The following SPAG16 variants were observed in gnomAD, a reference collection of about 807,000 sequenced individuals.
The protein encoded by SPAG16 is sperm-associated antigen 16 protein.
Under a neutral mutation model 80.4 loss-of-function variants are expected in SPAG16, and 86 were observed. The observed-to-expected ratio is 1.07, with a 90% CI of 0.90 to 1.28. SPAG16 has a LOEUF of 1.28. Among genes scored for constraint, SPAG16 ranks in the 50% most tolerant of loss-of-function variants. SPAG16 has a pLI of 0.00. For synonymous variants in SPAG16, 294 were observed against 265.9 expected (o/e 1.11, Z -1.03); for missense variants, 870 against 765.3 (o/e 1.14, Z -1.61).
chr2:213,843,077 C>T (rs1043162720), intron 10 of SPAG16, among the ~76,000 whole-genome samples: 1 of 151,934 alleles, frequency 6.6e-6, no homozygotes, highest in Admixed American at 6.6e-5. Context: ...AGGTGAGCCA[C>T]CGTGCCTGGC....
At chr2:213,729,619 C>A (rs1038011641) in intron 10 of SPAG16, among the ~76,000 whole-genome samples, 2 of 152,100 alleles carry the variant, frequency 1.3e-5, no homozygotes, top group African/African-American at 2.4e-5. Context: ...ATTTACAGAG[C>A]CTAACTACAT....
chr2:213,589,062 CA>C (rs973927723), intron 10 of SPAG16, among the ~76,000 whole-genome samples: 1 of 151,904 alleles, frequency 6.6e-6, no homozygotes, highest in African/African-American at 2.4e-5. Flanking sequence ...TTAGGTTTTA[CA>C]AAAAACATAA....
intron 10 of SPAG16, among the ~76,000 whole-genome samples, chr2:213,655,359 A>T (rs1272798068): frequency 6.6e-6 from 1 of 152,186 alleles, no homozygotes; most frequent in East Asian, 1.9e-4. Context: ...AAATAAAACG[A>T]TTTGTATGGA....
chr2:214,175,871 A>G (rs1348922036), intron 15 of SPAG16, among the ~76,000 whole-genome samples: 3 of 151,434 alleles, frequency 2.0e-5, no homozygotes, highest in Non-Finnish European at 4.4e-5. Flanking sequence ...TTCTTTATGT[A>G]TAAAGGTGCA....
At chr2:213,574,659 GATATATGATAT>G (rs970625777) in intron 10 of SPAG16, among the ~76,000 whole-genome samples, 9 of 145,838 alleles carry the variant, frequency 6.2e-5, no homozygotes, top group South Asian at 4.3e-4. Flanking sequence ...TCATATATAT[GATATATGATAT>G]ATATATGATA....
At chr2:214,173,265 A>C (rs573401622) in intron 15 of SPAG16, among the ~76,000 whole-genome samples, 1,866 of 152,068 alleles carry the variant, frequency 0.012, 47 homozygotes, top group African/African-American at 0.042. Flanking sequence ...ATCTTGAATT[A>C]ATTTTTGTAT....
chr2:214,175,273 A>G (rs1428945506), intron 15 of SPAG16, among the ~76,000 whole-genome samples: 1 of 146,572 alleles, frequency 6.8e-6, no homozygotes, highest in Non-Finnish European at 1.5e-5. Flanking sequence ...AAATGTATAT[A>G]TATAAAGAAA....
At chr2:213,436,336 T>A (rs1485336207) in intron 9 of SPAG16, among the ~76,000 whole-genome samples, 1 of 152,192 alleles carries the variant, frequency 6.6e-6, no homozygotes, top group Non-Finnish European at 1.5e-5. Context: ...AGTCTTGTTT[T>A]CCTCTGAAAG....
chr2:214,272,200 A>C (rs895330740), intron 15 of SPAG16, among the ~76,000 whole-genome samples: 1 of 152,064 alleles, frequency 6.6e-6, no homozygotes, highest in African/African-American at 2.4e-5. Flanking sequence ...AAAGTGTTTT[A>C]TCACTTCCTA....
At chr2:214,273,413 T>C (rs1217694871) in intron 15 of SPAG16, among the ~76,000 whole-genome samples, 1 of 152,206 alleles carries the variant, frequency 6.6e-6, no homozygotes, top group Admixed American at 6.5e-5. Flanking sequence ...TCTAGGGTTT[T>C]TATGGTTTTA....
chr2:213,650,622 T>A (rs1175420705), intron 10 of SPAG16, among the ~76,000 whole-genome samples: 1 of 152,224 alleles, frequency 6.6e-6, no homozygotes, highest in Non-Finnish European at 1.5e-5. Context: ...AAAACTATTG[T>A]AGTCTTAATT....
At chr2:214,241,396 C>T (rs925375060) in intron 15 of SPAG16, 2 of 151,050 alleles carry the variant, frequency 1.3e-5, no homozygotes, top group African/African-American at 2.4e-5. Flanking sequence ...GCCATTAGGT[C>T]TCTTCTAACC....
rs1268363307 is a variant in SPAG16, at chr2:214,300,504, A to G, written c.1721-109636A>G. On this transcript the variant is annotated intron_variant, in intron 15 of 15. Coordinates refer to ENST00000331683, the MANE Select transcript of SPAG16 (RefSeq NM_024532.5). ...AGAAACCTATATTTGAGTCTTTTTT[A>G]CAAATTTTTTTAAAGAAGTAAATTT... Among the ~76,000 whole-genome samples, 4 of 152,196 alleles carry G rather than the reference A, an allele frequency of 2.6e-5. No homozygotes were observed. In the East Asian group the frequency reaches 7.7e-4, roughly 29 times the overall value.
intron 11 of SPAG16, among the ~76,000 whole-genome samples, chr2:213,904,166 G>T (rs1436183906): frequency 6.6e-6 from 1 of 152,096 alleles, no homozygotes; most frequent in Admixed American, 6.6e-5. Context: ...TCCAAAGTCG[G>T]TTCCACATTT....
At chr2:214,261,667 C>T (rs1453687603) in intron 15 of SPAG16, among the ~76,000 whole-genome samples, 5 of 152,094 alleles carry the variant, frequency 3.3e-5, no homozygotes, top group Admixed American at 2.0e-4. Context: ...TGTATTTTAA[C>T]AGAGTAATTT....
chr2:213,694,771 C>T (rs2065090016), intron 10 of SPAG16, among the ~76,000 whole-genome samples: 1 of 131,108 alleles, frequency 7.6e-6, no homozygotes, highest in Non-Finnish European at 1.8e-5. Flanking sequence ...CTTCTCTTTT[C>T]CTTCTTTCCT....
At chr2:213,804,346 A>ACCC (rs2125647064) in intron 10 of SPAG16, among the ~76,000 whole-genome samples, 1 of 152,276 alleles carries the variant, frequency 6.6e-6, no homozygotes, top group South Asian at 2.1e-4. Flanking sequence ...TTTATCTCTG[A>ACCC]CTAAGGATGG....
At chr2:213,808,414 A>G (rs2071907797) in intron 10 of SPAG16, among the ~76,000 whole-genome samples, 1 of 152,142 alleles carries the variant, frequency 6.6e-6, no homozygotes, top group Admixed American at 6.6e-5. Flanking sequence ...TGGTATAGCT[A>G]TAGTTTAGTG....
chr2:213,715,927 G>C (rs2066220898), intron 10 of SPAG16, among the ~76,000 whole-genome samples: 1 of 151,670 alleles, frequency 6.6e-6, no homozygotes, highest in South Asian at 2.1e-4. Flanking sequence ...TTAGTTAAGT[G>C]GGAAAAAGTT....
Sources: gnomAD v4.1 joint callset for allele counts (sites outside exome capture counted in the v4.1 genomes callset) on GRCh38, gnomAD v4.1.1 for gene constraint, MANE v1.5 for transcripts, NCBI Gene and HGNC (gene_info 2026-07-23, HGNC 2026-07-21) for gene names.